Variants in DISC1 observed in about 807,000 individuals in gnomAD.
The protein encoded by DISC1 is disrupted in schizophrenia 1 protein.
Under a neutral mutation model 84.5 loss-of-function variants are expected in DISC1, and 57 were observed. That is an observed-to-expected ratio of 0.67 (90% CI 0.55 to 0.84). The LOEUF (loss-of-function observed/expected upper bound fraction) is 0.84, where lower values mean the gene tolerates loss of function less well. DISC1 is among the 40% of genes least tolerant of loss of function. The pLI, the probability that DISC1 is intolerant of heterozygous loss-of-function variation, is 0.00. For missense variants in DISC1, 1,000 were observed against 1,057.8 expected, an observed-to-expected ratio of 0.95 and a Z score of 0.76; for synonymous variants, 411 against 415.2, an observed-to-expected ratio of 0.99 and a Z score of 0.12.
rs570813278 is a variant in DISC1 at position 231,633,741 on chromosome 1, A to C, written c.67+6807A>C. 2.3e-4 allele frequency among the ~76,000 whole-genome samples: 35 copies of C among 152,348 alleles called. 1 individual carries two copies. The South Asian group carries it at 5.4e-3, about 23-fold the overall frequency. On this transcript the variant is annotated intron_variant, in intron 1 of 12. Transcript: ENST00000439617. ...ACGTGCATTTGACAGGTGGCCTTGC[A>C]TGGAGACTAATCGCTTTCACAGGTT...
intron 7 of DISC1, among the ~76,000 whole-genome samples, chr1:231,796,816 G>A (rs2078802496): frequency 1.3e-5 from 2 of 152,130 alleles, no homozygotes; most frequent in South Asian, 4.1e-4. Flanking sequence ...CCGGGCTCAG[G>A]TAATCCTCCT....
At chr1:231,967,286 T>G (rs2102798477) in intron 10 of DISC1, among the ~76,000 whole-genome samples, 1 of 152,328 alleles carries the variant, frequency 6.6e-6, no homozygotes, top group African/African-American at 2.4e-5. Flanking sequence ...GCTCTCAATC[T>G]AATGAAGACG....
chr1:231,782,658 C>A (rs1208284682), intron 6 of DISC1, among the ~76,000 whole-genome samples: 1 of 152,060 alleles, frequency 6.6e-6, no homozygotes, highest in African/African-American at 2.4e-5. Context: ...ATGCAAATGG[C>A]TGGGCACAGT....
intron 9 of DISC1, among the ~76,000 whole-genome samples, chr1:231,953,263 A>G (rs1352983493): frequency 6.6e-6 from 1 of 152,148 alleles, no homozygotes; most frequent in South Asian, 2.1e-4. Flanking sequence ...GAGCAGACAA[A>G]ACTCTCTAGG....
chr1:232,038,412 A>C lies in DISC1; in HGVS notation c.*1581A>C, dbSNP rs898398754. On this transcript the variant is annotated 3_prime_UTR_variant, in exon 13 of 13. Transcript: ENST00000439617. The stretch of plus-strand genomic sequence containing the variant: ...GGCCCCAAGAGAAGCTCTCTAAACA[A>C]AGGAGTACCCTCTCTGGTCAAGTAC... 4 of 152,108 alleles carry C rather than the reference A, an allele frequency of 2.6e-5. No individual in the cohort carries two copies. Among genetic ancestry groups the C allele is most frequent in the African/African-American group, 9.7e-5 (4 of 41,420 alleles). The allele number at this position is 152,108 out of a possible 1,614,324, so 9.4% of individuals were successfully genotyped here. A position where few individuals can be genotyped will look rare whatever the true frequency, so the allele number is the denominator to read the frequency against.
chr1:231,870,734 A>G (rs1197208189), intron 9 of DISC1, among the ~76,000 whole-genome samples: 2 of 152,190 alleles, frequency 1.3e-5, no homozygotes, highest in Non-Finnish European at 2.9e-5. Context: ...CAGCCTATTA[A>G]CCTATTACAA....
chr1:231,880,797 T>C (rs2086238630), intron 9 of DISC1, among the ~76,000 whole-genome samples: 1 of 151,980 alleles, frequency 6.6e-6, no homozygotes, highest in Non-Finnish European at 1.5e-5. Flanking sequence ...AACTGTATTC[T>C]TGGGTGGGTC....
intron 4 of DISC1, among the ~76,000 whole-genome samples, chr1:231,756,040 C>T (rs1049348834): frequency 2.6e-5 from 4 of 152,220 alleles, no homozygotes; most frequent in African/African-American, 9.6e-5. Flanking sequence ...TAAAAGTCTT[C>T]ACGATCCAGC....
intron 10 of DISC1, among the ~76,000 whole-genome samples, chr1:231,997,376 C>T (rs1213539236): frequency 2.0e-5 from 3 of 152,142 alleles, no homozygotes; most frequent in Non-Finnish European, 4.4e-5. Flanking sequence ...GAAGCCAGAG[C>T]AATGTTGATG....
intron 9 of DISC1, among the ~76,000 whole-genome samples, chr1:231,922,816 G>A (rs2090090165): frequency 6.6e-6 from 1 of 152,132 alleles, no homozygotes; most frequent in Non-Finnish European, 1.5e-5. Context: ...TCTCCAGCAG[G>A]CGCTCCTCAG....
chr1:231,994,627 A>T (rs1345711565), intron 10 of DISC1, among the ~76,000 whole-genome samples: 1 of 152,170 alleles, frequency 6.6e-6, no homozygotes, highest in Non-Finnish European at 1.5e-5. Flanking sequence ...AACCCTTAGA[A>T]CAGCACCTGA....
intron 3 of DISC1, among the ~76,000 whole-genome samples, chr1:231,736,067 G>A (rs1415766733): frequency 6.6e-6 from 1 of 152,120 alleles, no homozygotes; most frequent in Non-Finnish European, 1.5e-5. Context: ...TCCTGCCTTG[G>A]CCTCTCAAAG....
intron 9 of DISC1, among the ~76,000 whole-genome samples, chr1:231,898,983 C>CA (rs796315353): frequency 0.012 from 1,689 of 144,712 alleles, 22 homozygotes; most frequent in African/African-American, 0.039. Flanking sequence ...CCACAAAAAA[C>CA]AAAAAAAAAA....
At chr1:231,752,127 G>C (rs1265331848) in intron 4 of DISC1, among the ~76,000 whole-genome samples, 2 of 152,152 alleles carry the variant, frequency 1.3e-5, no homozygotes, top group Non-Finnish European at 2.9e-5. Flanking sequence ...GCTGGCAAAG[G>C]CTGCTATATT....
chr1:231,684,848 G>A (rs2064067672), intron 1 of DISC1: 1 of 152,230 alleles, frequency 6.6e-6, no homozygotes, highest in Non-Finnish European at 1.5e-5. Context: ...TGGGTGATCA[G>A]GAGGCTGACA....
At chr1:231,864,620 A>G (rs1056189019) in intron 9 of DISC1, among the ~76,000 whole-genome samples, 6 of 152,160 alleles carry the variant, frequency 3.9e-5, no homozygotes, top group African/African-American at 1.4e-4. Context: ...CCAAGATCGC[A>G]CCACTGCACT....
intron 1 of DISC1, among the ~76,000 whole-genome samples, chr1:231,665,613 T>C (rs1281997743): frequency 6.6e-6 from 1 of 152,250 alleles, no homozygotes; most frequent in African/African-American, 2.4e-5. Context: ...TTTCCCTAGC[T>C]TACCTTAATT....
chr1:231,985,662 A>G (rs1276976385), intron 10 of DISC1, among the ~76,000 whole-genome samples: 1 of 152,208 alleles, frequency 6.6e-6, no homozygotes, highest in Non-Finnish European at 1.5e-5. Context: ...TTTTGCACAT[A>G]ATAATGAATA....
intron 9 of DISC1, among the ~76,000 whole-genome samples, chr1:231,869,759 G>A (rs1369017687): frequency 6.6e-6 from 1 of 152,146 alleles, no homozygotes; most frequent in African/African-American, 2.4e-5. Flanking sequence ...ACATTGGGGA[G>A]CAAATCTTAA....
Sources: allele counts gnomAD v4.1 joint callset (sites outside exome capture counted in the v4.1 genomes callset), GRCh38; gene constraint gnomAD v4.1.1; transcripts MANE v1.5; gene names NCBI Gene and HGNC (gene_info 2026-07-23, HGNC 2026-07-21).